The following SPAG16 variants were observed in gnomAD, a reference collection of about 807,000 sequenced individuals.
SPAG16 encodes sperm-associated antigen 16 protein.
A neutral mutation model predicts 80.4 loss-of-function variants in SPAG16; 86 were observed. The ratio of observed to expected loss-of-function variants is 1.07; its 90% CI spans 0.90 to 1.28. The LOEUF (loss-of-function observed/expected upper bound fraction) is 1.28, where lower values mean the gene tolerates loss of function less well. Ranked by LOEUF, SPAG16 falls within the 50% of genes most tolerant of loss-of-function variation. SPAG16 has a pLI of 0.00. For synonymous variants in SPAG16, 294 were observed against 265.9 expected (o/e 1.11, Z -1.03); for missense variants, 870 against 765.3 (o/e 1.14, Z -1.61).
intron 12 of SPAG16, among the ~76,000 whole-genome samples, chr2:214,012,515 C>G (rs1042041728): frequency 1.3e-5 from 2 of 151,198 alleles, no homozygotes; most frequent in African/African-American, 2.4e-5. Context: ...AGGCTGGTCT[C>G]GAACACCTGA....
intron 14 of SPAG16, among the ~76,000 whole-genome samples, chr2:214,108,494 C>CCAAGTCGT (rs1465810754): frequency 1.3e-5 from 2 of 150,812 alleles, no homozygotes; most frequent in Admixed American, 1.3e-4. Context: ...CACACACACC[C>CCAAGTCGT]CAAGTCGTAG....
intron 11 of SPAG16, among the ~76,000 whole-genome samples, chr2:213,922,545 C>T (rs185757936): frequency 1.3e-5 from 2 of 152,226 alleles, no homozygotes; most frequent in Admixed American, 1.3e-4. Context: ...ATATTTCAGC[C>T]TGGTTAAGAA....
At chr2:213,402,326 ATCTAAT>A (rs1222510047) in intron 9 of SPAG16, among the ~76,000 whole-genome samples, 7 of 152,088 alleles carry the variant, frequency 4.6e-5, no homozygotes, top group Non-Finnish European at 8.8e-5. Context: ...ATGTTATACT[ATCTAAT>A]TCTATCTGCC....
intron 8 of SPAG16, 132 bp from the exon 9 acceptor site, chr2:213,374,877 TG>T: frequency 1.6e-6 from 1 of 631,116 alleles, no homozygotes; most frequent in Non-Finnish European, 2.7e-6. Flanking sequence ...TGGTATGGTT[TG>T]GGTATCAATA....
chr2:213,825,509 G>A (rs1340864550), intron 10 of SPAG16, among the ~76,000 whole-genome samples: 1 of 151,646 alleles, frequency 6.6e-6, no homozygotes, highest in Non-Finnish European at 1.5e-5. Flanking sequence ...TCATTCTGTT[G>A]GTAAAATGCA....
intron 15 of SPAG16, among the ~76,000 whole-genome samples, chr2:214,375,073 G>T (rs1700050521): frequency 6.6e-6 from 1 of 152,090 alleles, no homozygotes; most frequent in South Asian, 2.1e-4. Flanking sequence ...GTCAGAACAG[G>T]GTATCTCACC....
chr2:214,393,017 T>TTC (rs1701179138), intron 15 of SPAG16, among the ~76,000 whole-genome samples: 1 of 152,196 alleles, frequency 6.6e-6, no homozygotes. Flanking sequence ...TTAAAGTAGG[T>TTC]ATTGCTGGGA....
chr2:213,836,345 T>C (rs1244927942), intron 10 of SPAG16, among the ~76,000 whole-genome samples: 5 of 152,162 alleles, frequency 3.3e-5, no homozygotes, highest in Admixed American at 6.6e-5. Flanking sequence ...ATGAGAAATA[T>C]GCTTTAGTGG....
chr2:213,662,262 G>C (rs915342274), intron 10 of SPAG16, among the ~76,000 whole-genome samples: 2 of 152,122 alleles, frequency 1.3e-5, no homozygotes, highest in African/African-American at 4.8e-5. Context: ...ACAACAATTT[G>C]TAGGAGGTGG....
At chr2:213,831,650 A>C (rs2073665473) in intron 10 of SPAG16, among the ~76,000 whole-genome samples, 2 of 152,206 alleles carry the variant, frequency 1.3e-5, no homozygotes, top group African/African-American at 4.8e-5. Context: ...GTTTTTACAA[A>C]AGTTATAACA....
chr2:214,135,680 A>T (rs1258671219), intron 14 of SPAG16, among the ~76,000 whole-genome samples: 1 of 152,014 alleles, frequency 6.6e-6, no homozygotes, highest in African/African-American at 2.4e-5. Flanking sequence ...GTTGTTAAAA[A>T]TAACCTGGAA....
intron 10 of SPAG16, among the ~76,000 whole-genome samples, chr2:213,522,423 G>C (rs1318021530): frequency 1.3e-5 from 2 of 152,334 alleles, no homozygotes; most frequent in East Asian, 1.9e-4. Flanking sequence ...TATTTAAAAA[G>C]GGGGGTGGGA....
intron 15 of SPAG16, among the ~76,000 whole-genome samples, chr2:214,383,855 T>G (rs1057072316): frequency 2.0e-5 from 3 of 152,224 alleles, no homozygotes; most frequent in Non-Finnish European, 4.4e-5. Context: ...TATACATTAT[T>G]GTTCAGAAAA....
At chr2:213,844,002 A>G (rs2074489201) in intron 10 of SPAG16, among the ~76,000 whole-genome samples, 1 of 152,198 alleles carries the variant, frequency 6.6e-6, no homozygotes, top group Non-Finnish European at 1.5e-5. Context: ...GATTGTTTAT[A>G]GTTCAGATTG....
At chr2:214,020,971 C>CT (rs1294928722) in intron 13 of SPAG16, among the ~76,000 whole-genome samples, 1 of 151,954 alleles carries the variant, frequency 6.6e-6, no homozygotes, top group African/African-American at 2.4e-5. Context: ...AAAATGGTGC[C>CT]TTTTTTGTTT....
chr2:213,780,263 C>T (rs1362836292), intron 10 of SPAG16, among the ~76,000 whole-genome samples: 2 of 152,170 alleles, frequency 1.3e-5, no homozygotes, highest in Non-Finnish European at 2.9e-5. Context: ...CACATGGCAT[C>T]ACATTTGCCA....
chr2:213,455,847 C>G (rs1469461712), intron 9 of SPAG16, among the ~76,000 whole-genome samples: 1 of 152,194 alleles, frequency 6.6e-6, no homozygotes, highest in Non-Finnish European at 1.5e-5. Flanking sequence ...GACCCCTGCT[C>G]CAGGTGGACC....
intron 1 of SPAG16, among the ~76,000 whole-genome samples, chr2:213,292,069 G>C (rs576218314): frequency 2.0e-5 from 3 of 152,084 alleles, no homozygotes; most frequent in African/African-American, 4.8e-5. Flanking sequence ...TCTATGCTTC[G>C]AGGACAAATC....
intron 3 of SPAG16, chr2:213,302,647 G>GTGTGTGTGTGTGTGTGTGTGTGTGTA (rs1553620021): frequency 2.0e-5 from 3 of 148,426 alleles, no homozygotes; most frequent in Non-Finnish European, 3.0e-5. Flanking sequence ...GTGTGTGTGT[G>GTGTGTGTGTGTGTGTGTGTGTGTGTA]TGTGTGTGTG....
Sources: gnomAD v4.1 joint callset for allele counts (sites outside exome capture counted in the v4.1 genomes callset) on GRCh38, gnomAD v4.1.1 for gene constraint, MANE v1.5 for transcripts, NCBI Gene and HGNC (gene_info 2026-07-23, HGNC 2026-07-21) for gene names.